The following OGFOD3 variants were observed in gnomAD, a reference collection of about 807,000 sequenced individuals.
The protein encoded by OGFOD3 is 2-oxoglutarate and iron dependent oxygenase domain containing 3, also known as 2-oxoglutarate and iron-dependent oxygenase domain-containing protein 3.
In OGFOD3, 35 loss-of-function variants were observed where a neutral mutation model predicts 39.8. The ratio of observed to expected loss-of-function variants is 0.88; its 90% CI spans 0.67 to 1.17. The LOEUF (loss-of-function observed/expected upper bound fraction) is 1.17. Among genes scored for constraint, OGFOD3 ranks in the 50% most tolerant of loss-of-function variants. The probability of loss-of-function intolerance (pLI) is 0.00; values close to 1 mark genes in which losing one functional copy is unlikely to be tolerated. For synonymous variants in OGFOD3, 200 were observed against 192.0 expected (o/e 1.04, Z -0.34); for missense variants, 438 against 454.5 (o/e 0.96, Z 0.33).
chr17:82,395,317 C>T (rs374539588), intron 8 of OGFOD3, among the ~76,000 whole-genome samples: 4 of 152,150 alleles, frequency 2.6e-5, no homozygotes, highest in Admixed American at 2.0e-4. Flanking sequence ...AGGTGTGAGC[C>T]GCCCCACCTG....
rs1260873773 is a variant in OGFOD3, at chr17:82,394,394, C to G, written c.824-1860G>C. 5 of 1,605,758 alleles carry G rather than the reference C, an allele frequency of 3.1e-6. No individual in the cohort carries two copies. The African/African-American group carries it at 5.4e-5, about 17-fold the overall frequency. The stretch of plus-strand genomic sequence containing the variant: ...AATCAACAATAAGCAATGCTCTCAG[C>G]TTCCAGAATCGCATGTGTCTCTCCC... On this transcript the variant is annotated intron_variant, in intron 8 of 8. Coordinates refer to ENST00000313056, the MANE Select transcript of OGFOD3 (RefSeq NM_024648.3).
chr17:82,411,972 G>A (rs1245675239), intron 2 of OGFOD3, among the ~76,000 whole-genome samples: 1 of 151,590 alleles, frequency 6.6e-6, no homozygotes, highest in Non-Finnish European at 1.5e-5. Flanking sequence ...GAGGCCACCA[G>A]AGGGGGGAAC....
chr17:82,395,729 G>A (rs945286726), intron 8 of OGFOD3, among the ~76,000 whole-genome samples: 5 of 152,340 alleles, frequency 3.3e-5, no homozygotes, highest in Middle Eastern at 3.4e-3. Flanking sequence ...GCTGAGGCAG[G>A]AGAATGGCGT....
chr17:82,397,987 G>A (rs2052703516), intron 8 of OGFOD3, among the ~76,000 whole-genome samples: 1 of 152,018 alleles, frequency 6.6e-6, no homozygotes, highest in South Asian at 2.1e-4. Flanking sequence ...CTCTGCCGCT[G>A]ACTGACGGTG....
At chr17:82,402,599 T>C (rs2052784838) in intron 7 of OGFOD3, among the ~76,000 whole-genome samples, 1 of 151,546 alleles carries the variant, frequency 6.6e-6, no homozygotes, top group Non-Finnish European at 1.5e-5. Context: ...ATACAAAAAT[T>C]AGCCGAGCGT....
intron 1 of OGFOD3, 108 bp downstream of exon 1, chr17:82,418,303 CA>C (rs1279761486): frequency 0.027 from 3,611 of 132,630 alleles, 79 homozygotes; most frequent in African/African-American, 0.045. Context: ...TGCCCCCCCC[CA>C]CCCCCCCACC....
chr17:82,398,143 C>T lies in OGFOD3; in HGVS notation c.823+53G>A, dbSNP rs9905077. 26 of 1,609,426 alleles carry T rather than the reference C, an allele frequency of 1.6e-5. No homozygotes were observed. The East Asian group carries it at 5.8e-4, about 36-fold the overall frequency. ...CCAGGGACACGCCCCCCACACCCAC[C>T]GTGCTTGCCTGAGCCAGGAGCCCCA... On this transcript the variant is annotated intron_variant, in intron 8 of 8. Coordinates refer to ENST00000313056, the MANE Select transcript of OGFOD3 (RefSeq NM_024648.3).
chr17:82,394,896 C>T lies in OGFOD3; in HGVS notation c.824-2362G>A, dbSNP rs1248656371. On this transcript the variant is annotated intron_variant, in intron 8 of 8. Coordinates refer to ENST00000313056, the MANE Select transcript of OGFOD3 (RefSeq NM_024648.3). Reference sequence around the variant, plus strand: ...GAGCATCCCTGGTCAGTGACACCCCCGAATATCATCACACATCACTGCTGG... The same window carrying T: ...GAGCATCCCTGGTCAGTGACACCCCTGAATATCATCACACATCACTGCTGG... Among the ~76,000 whole-genome samples the T allele has an allele frequency of 3.3e-5, 5 of 152,200 alleles. No homozygotes were observed. The East Asian group carries it at 7.7e-4, about 23-fold the overall frequency.
intron 5 of OGFOD3, 138 bp from the exon 6 acceptor site, chr17:82,405,518 G>T (rs1424248153): frequency 2.6e-6 from 2 of 758,974 alleles, no homozygotes; most frequent in Non-Finnish European, 2.3e-6. Flanking sequence ...AATGATAACT[G>T]CTATAAAGGA....
chr17:82,398,328 A>C lies in OGFOD3; in HGVS notation c.700-9T>G. On this transcript the variant is annotated splice_polypyrimidine_tract_variant and intron_variant, in intron 7 of 8. Transcript: ENST00000313056. ...AAGGAGCCGTAGGTCACCTGAGGGC[A>C]GAGCCGGGAGGAGGGGGCAGAATGG... is the stretch of plus-strand genomic sequence containing the variant. 3 of 1,614,076 alleles carry C rather than the reference A, an allele frequency of 1.9e-6. No individual in the cohort carries two copies. The highest frequency in any genetic ancestry group is 2.5e-6 in the Non-Finnish European group (3 of 1,179,926).
intron 3 of OGFOD3, 128 bp downstream of exon 3, chr17:82,411,327 G>A (rs1004504069): frequency 2.1e-5 from 17 of 808,906 alleles, no homozygotes; most frequent in East Asian, 8.3e-5. Flanking sequence ...GATTACAGGC[G>A]TGAGCCACCA....
Position 82,394,400 on chromosome 17 carries a change from G to T in OGFOD3, c.824-1866C>A. ...CAATAAGCAATGCTCTCAGCTTCCAGAATCGCATGTGTCTCTCCCCTCTCG... is the reference window on the plus strand; with the variant it reads ...CAATAAGCAATGCTCTCAGCTTCCATAATCGCATGTGTCTCTCCCCTCTCG... On this transcript the variant is annotated intron_variant, in intron 8 of 8. Transcript: ENST00000313056. 4 of 1,608,056 alleles carry T rather than the reference G, an allele frequency of 2.5e-6. No homozygotes were observed. The highest frequency in any genetic ancestry group is 3.4e-6 in the Non-Finnish European group (4 of 1,177,262).
intron 1 of OGFOD3, among the ~76,000 whole-genome samples, chr17:82,416,676 A>T (rs895523816): frequency 6.9e-4 from 79 of 114,762 alleles, no homozygotes; most frequent in South Asian, 1.7e-3. Flanking sequence ...TTTATTTATT[A>T]TTTTTTTTTT....
intron 7 of OGFOD3, among the ~76,000 whole-genome samples, chr17:82,401,740 G>T (rs925245066): frequency 7.0e-6 from 1 of 142,910 alleles, no homozygotes; most frequent in Non-Finnish European, 1.5e-5. Flanking sequence ...GGAGGCAGAG[G>T]TTGCAGTGAG....
chr17:82,405,326 G>T lies in OGFOD3; in HGVS notation c.543C>A (p.Tyr181Ter). 1.2e-6 allele frequency: 2 copies of T among 1,613,864 alleles called. No homozygotes were observed. Among genetic ancestry groups the T allele is most frequent in the Non-Finnish European group, 1.7e-6 (2 of 1,179,722 alleles). The change falls in exon 6 of 9, where the codon TAC (tyrosine) becomes TAA (stop). Residue 181 changes from tyrosine (Y) to a stop codon, truncating the protein, a stop_gained and splice_region_variant. Coordinates refer to ENST00000313056, the MANE Select transcript of OGFOD3 (RefSeq NM_024648.3). LOFTEE classifies it high-confidence loss of function. ...NIFSEEDFRL[Y>*]REVRQKVQLT... ...CCACCCGCCTCACTCCTCCTTACCGGTATAACCGGAAGTCCTCCTCTGAGA... is the reference window on the plus strand; with the variant it reads ...CCACCCGCCTCACTCCTCCTTACCGTTATAACCGGAAGTCCTCCTCTGAGA...
chr17:82,411,278 C>G (rs1452510281), intron 3 of OGFOD3, among the ~76,000 whole-genome samples, 177 bp downstream of exon 3: 1 of 152,124 alleles, frequency 6.6e-6, no homozygotes, highest in Admixed American at 6.5e-5. Context: ...AACTCCTGAA[C>G]TCAGGCAATC....
chr17:82,407,321 A>T (rs1158252540), intron 4 of OGFOD3, among the ~76,000 whole-genome samples: 1 of 151,702 alleles, frequency 6.6e-6, no homozygotes, highest in Non-Finnish European at 1.5e-5. Flanking sequence ...TGACCTAAAG[A>T]ATGGTGGCAC....
chr17:82,396,227 CACAT>C (rs2052670696), intron 8 of OGFOD3, among the ~76,000 whole-genome samples: 1 of 148,716 alleles, frequency 6.7e-6, no homozygotes, highest in Non-Finnish European at 1.5e-5. Flanking sequence ...CGCAGGTAAA[CACAT>C]AGATACACAC....
intron 7 of OGFOD3, among the ~76,000 whole-genome samples, chr17:82,400,194 G>T (rs2052739586): frequency 6.6e-6 from 1 of 152,156 alleles, no homozygotes; most frequent in African/African-American, 2.4e-5. Context: ...TGGGCGGTGG[G>T]TCAAGCTCCC....
Sources: gnomAD v4.1 joint callset for allele counts (sites outside exome capture counted in the v4.1 genomes callset) on GRCh38, gnomAD v4.1.1 for gene constraint, MANE v1.5 for transcripts, NCBI Gene and HGNC (gene_info 2026-07-23, HGNC 2026-07-21) for gene names.